COMMD4: variants seen among roughly 807,000 people sequenced by gnomAD.
COMMD4 encodes the protein COMM domain-containing protein 4.
A neutral mutation model predicts 27.5 loss-of-function variants in COMMD4; 18 were observed. That is an observed-to-expected ratio of 0.65 (90% CI 0.45 to 0.97). The LOEUF (loss-of-function observed/expected upper bound fraction) is 0.97, where lower values mean the gene tolerates loss of function less well. Among genes scored for constraint, COMMD4 ranks in the 50% least tolerant of loss-of-function variants. The probability of loss-of-function intolerance (pLI) is 0.00; values close to 1 mark genes in which losing one functional copy is unlikely to be tolerated. For synonymous variants in COMMD4, 108 were observed against 108.4 expected, an observed-to-expected ratio of 1.00 and a Z score of 0.02; for missense variants, 243 against 250.0, an observed-to-expected ratio of 0.97 and a Z score of 0.19.
rs1385381633 is a variant in COMMD4 at position 75,338,097 on chromosome 15, C to G, written c.39C>G (p.Asp13Glu). ...FRFCGDLDCP[D>E]WVLAEISTLA... ...TCTGTGGTGATCTGGACTGTCCCGA[C>G]TGGGTCCTGGCAGAAATCAGCACGC... The change falls in exon 2 of 8, where the codon GAC becomes GAG. Residue 13 changes from aspartate to glutamate, a missense_variant. Transcript: ENST00000267935. 4 of 1,608,764 alleles carry G rather than the reference C, an allele frequency of 2.5e-6. No individual in the cohort carries two copies. In the African/African-American group the frequency reaches 4.0e-5, roughly 16 times the overall value.
chr15:75,336,304 C>T, intron 1 of COMMD4: 10 of 1,434,488 alleles, frequency 7.0e-6, no homozygotes, highest in Non-Finnish European at 8.2e-6. Context: ...CAGAGCAGGC[C>T]GGCCGGCTTA....
chr15:75,338,438 C>T lies in COMMD4; in HGVS notation c.141+18C>T, dbSNP rs369879170. On this transcript the variant is annotated intron_variant, in intron 3 of 7. Coordinates refer to ENST00000267935, the MANE Select transcript of COMMD4 (RefSeq NM_017828.5). ...GGATTGATGTGAGTACAAGATCCAG[C>T]ACCCCATTGTCCCATGACCTTATGA... 108 of 1,606,774 alleles carry T rather than the reference C, an allele frequency of 6.7e-5. No homozygotes were observed. Among genetic ancestry groups the T allele is most frequent in the Middle Eastern group, 4.5e-4 (2 of 4,420 alleles).
At chr15:75,336,628 G>C (rs1376620820) in intron 1 of COMMD4, 3 of 171,860 alleles carry the variant, frequency 1.7e-5, no homozygotes, top group African/African-American at 7.1e-5. Flanking sequence ...ATACCATGAA[G>C]TGTGCTAGGC....
rs1469147557 is a variant in COMMD4 at position 75,338,967 on chromosome 15, C to T, written c.182-18C>T. On this transcript the variant is annotated intron_variant, in intron 4 of 7. Coordinates refer to ENST00000267935, the MANE Select transcript of COMMD4 (RefSeq NM_017828.5). ...GGACCCACAGTGACACCCCCTGCCC[C>T]ACCCACGGGTCCCTCAGAGTCAGGC... is the stretch of plus-strand genomic sequence containing the variant. 2 of 1,613,926 alleles carry T rather than the reference C, an allele frequency of 1.2e-6. No homozygotes were observed. The highest frequency in any genetic ancestry group is 1.7e-6 in the Non-Finnish European group (2 of 1,179,882).
At chr15:75,341,555 C>T (rs2071428521), downstream of COMMD4, 1 of 152,092 alleles carries the variant, frequency 6.6e-6, no homozygotes, top group African/African-American at 2.4e-5. Flanking sequence ...ATAAAACAAA[C>T]AAAAAGACTC....
In COMMD4 at chr15:75,339,647, A is replaced by G. The variant is rs1248683817; in HGVS notation, c.383-55A>G. Reference sequence around the variant, plus strand: ...GAGAGCTGAGCCAGGGTGTCGGCTGAGGTCTACTTGGCTTGCCTGCTTTGA... The same window carrying G: ...GAGAGCTGAGCCAGGGTGTCGGCTGGGGTCTACTTGGCTTGCCTGCTTTGA... On this transcript the variant is annotated intron_variant, in intron 6 of 7. Transcript: ENST00000267935. 2.6e-6 allele frequency: 4 copies of G among 1,523,208 alleles called. No homozygotes were observed. The African/African-American group carries it at 5.5e-5, about 21-fold the overall frequency. The allele number at this position is 1,523,208 out of a possible 1,614,324, so 94.4% of individuals were successfully genotyped here.
Position 75,339,251 on chromosome 15 carries a change from A to G in COMMD4, c.302-13A>G. 2 of 1,612,222 alleles carry G rather than the reference A, an allele frequency of 1.2e-6. No homozygotes were observed. Among genetic ancestry groups the G allele is most frequent in the Middle Eastern group, 2.3e-4 (1 of 4,436 alleles). On this transcript the variant is annotated splice_polypyrimidine_tract_variant and intron_variant, in intron 5 of 7. Coordinates refer to ENST00000267935, the MANE Select transcript of COMMD4 (RefSeq NM_017828.5). ...GACATGCTACCTCCAGAGCTACTCCATTCTACCCCCAGAGCACGCGGCCAG... is the reference window on the plus strand; with the variant it reads ...GACATGCTACCTCCAGAGCTACTCCGTTCTACCCCCAGAGCACGCGGCCAG...
Position 75,339,782 on chromosome 15 carries a change from G to A in COMMD4, c.463G>A (p.Val155Met). The change falls in exon 7 of 8, where the codon GTG (valine) becomes ATG (methionine). Residue 155 changes from valine to methionine, a missense_variant. Transcript: ENST00000267935. ...SLLQSVEEPM[V>M]HLRLEVAAAP... ...GCTGCAATCCGTGGAAGAGCCCATG[G>A]TGCACCTGCGGCTGGAGGTGGCAGC... 2.5e-6 allele frequency: 4 copies of A among 1,614,138 alleles called. No homozygotes were observed. Among genetic ancestry groups the A allele is most frequent in the Non-Finnish European group, 3.4e-6 (4 of 1,180,008 alleles).
chr15:75,338,036 T>G (rs772565052), intron 1 of COMMD4, 26 bp from the exon 2 acceptor site: 1 of 1,592,820 alleles, frequency 6.3e-7, no homozygotes, highest in South Asian at 1.1e-5. Flanking sequence ...CCCTCCAGCC[T>G]GATTACCTGC....
intron 3 of COMMD4, 35 bp downstream of exon 3, chr15:75,338,455 A>G: frequency 6.2e-7 from 1 of 1,607,202 alleles, no homozygotes; most frequent in Non-Finnish European, 8.5e-7. Context: ...TTGTCCCATG[A>G]CCTTATGACC....
chr15:75,340,238 T>C lies in COMMD4; in HGVS notation c.*233T>C. 1 of 574,316 alleles carries C rather than the reference T, an allele frequency of 1.7e-6. No homozygotes were observed. The highest frequency in any genetic ancestry group is 2.8e-5 in the East Asian group (1 of 35,744). The allele number at this position is 574,316 out of a possible 1,614,324, so 35.6% of individuals were successfully genotyped here. Reference sequence around the variant, plus strand: ...CTTGAAAGGCAATTGTTGGCTGTTTTCATAAGCAGGAAAAATAAACAGAAG... The same window carrying C: ...CTTGAAAGGCAATTGTTGGCTGTTTCCATAAGCAGGAAAAATAAACAGAAG... On this transcript the variant is annotated 3_prime_UTR_variant, in exon 8 of 8. Coordinates refer to ENST00000267935, the MANE Select transcript of COMMD4 (RefSeq NM_017828.5).
rs752613960 is a variant in COMMD4, at chr15:75,338,770, C to A, written c.181+85C>A. On this transcript the variant is annotated intron_variant, in intron 4 of 7. Transcript: ENST00000267935. ...GGTACAGAGGGGCCCCCCACCCCTC[C>A]CAGCAGCATCCTTAACTTACCTTCC... The A allele has an allele frequency of 4.7e-6, 7 of 1,478,490 alleles. No homozygotes were observed. In the Admixed American group the frequency reaches 1.3e-4, roughly 27 times the overall value. The allele number at this position is 1,478,490 out of a possible 1,614,324, so 91.6% of individuals were successfully genotyped here. A position where few individuals can be genotyped will look rare whatever the true frequency, so the allele number is the denominator to read the frequency against.
At chr15:75,343,199 A>G (rs1425731871), downstream of COMMD4, 2 of 152,240 alleles carry the variant, frequency 1.3e-5, no homozygotes, top group Non-Finnish European at 2.9e-5. Flanking sequence ...TTATTTGTCA[A>G]TTAAAAATAA....
At position 75,339,806 on chromosome 15, in the gene COMMD4, G is replaced by A. The variant is rs201732198; in HGVS notation, c.487G>A (p.Ala163Thr). The A allele has an allele frequency of 2.3e-5, 37 of 1,614,128 alleles. 1 individual carries two copies. The Middle Eastern group carries it at 4.9e-4, about 22-fold the overall frequency. Residue 163 changes from alanine to threonine, a missense_variant, in exon 7 of 8, where the codon GCT (alanine) becomes ACT (threonine). Coordinates refer to ENST00000267935, the MANE Select transcript of COMMD4 (RefSeq NM_017828.5). ...GGTGCACCTGCGGCTGGAGGTGGCA[G>A]CTGCCCCAGGGACCCCAGCCCAGCC... ...PMVHLRLEVA[A>T]APGTPAQPVA...
rs910742443 is a variant in COMMD4 at position 75,338,542 on chromosome 15, T to A, written c.142-104T>A. On this transcript the variant is annotated intron_variant, in intron 3 of 7. Coordinates refer to ENST00000267935, the MANE Select transcript of COMMD4 (RefSeq NM_017828.5). ...TCTCAACCTCTCTGGGCACCTCCCTTCCTTCTTTCCAGCCTGTCTGTTCCT... is the reference window on the plus strand; with the variant it reads ...TCTCAACCTCTCTGGGCACCTCCCTACCTTCTTTCCAGCCTGTCTGTTCCT... The A allele has an allele frequency of 1.9e-6, 3 of 1,573,498 alleles. No homozygotes were observed. In the African/African-American group the frequency reaches 4.1e-5, roughly 21 times the overall value.
At chr15:75,338,021 G>A in intron 1 of COMMD4, 41 bp from the exon 2 acceptor site, 2 of 1,574,358 alleles carry the variant, frequency 1.3e-6, no homozygotes, top group South Asian at 2.3e-5. Flanking sequence ...CCACACCTCA[G>A]GCCTCCCTCC....
intron 3 of COMMD4, 57 bp from the exon 4 acceptor site, chr15:75,338,589 G>T: frequency 6.2e-7 from 1 of 1,603,538 alleles, no homozygotes; most frequent in Non-Finnish European, 8.5e-7. Flanking sequence ...CCAGGCTGGG[G>T]GTGAGGGGCT....
chr15:75,343,018 C>G (rs539348647), downstream of COMMD4: 22 of 152,246 alleles, frequency 1.4e-4, no homozygotes, highest in African/African-American at 4.8e-4. Context: ...CTGGGTTTCA[C>G]TATGTTGGCC....
At chr15:75,342,068 C>CAAAAAAAAAA (rs34126288), downstream of COMMD4, 1 of 44,060 alleles carries the variant, frequency 2.3e-5, no homozygotes, top group Non-Finnish European at 3.7e-5. Context: ...GACCCTGTCT[C>CAAAAAAAAAA]AAAAAAAAAA....
Sources: allele counts gnomAD v4.1 joint callset, GRCh38; gene constraint gnomAD v4.1.1; transcripts MANE v1.5; gene names NCBI Gene and HGNC (gene_info 2026-07-23, HGNC 2026-07-21).